The following SMIM36 variants were observed in gnomAD, a reference collection of about 807,000 sequenced individuals.
SMIM36 encodes the protein small integral membrane protein 36.
Position 55,500,958 on chromosome 17 carries a change from A to T in SMIM36, c.*174+9921T>A, listed in dbSNP as rs1455925022. Among the ~76,000 whole-genome samples, 21 of 51,710 alleles carry T rather than the reference A, an allele frequency of 4.1e-4. 6 individuals are homozygous for T. The highest frequency in any genetic ancestry group is 2.1e-3 in the African/African-American group (21 of 9,934). 33.9% of individuals were successfully genotyped at this position (51,710 alleles called of 152,430 possible). On this transcript the variant is annotated intron_variant, in intron 1 of 4. Coordinates refer to ENST00000636752, the Ensembl canonical transcript of SMIM36. ...TATAATATATATTATAATATATTATATTTTATAATATATATTATAATATAT... is the reference window on the plus strand; with the variant it reads ...TATAATATATATTATAATATATTATTTTTTATAATATATATTATAATATAT...
chr17:55,514,531 G>A (rs550504044), upstream of SMIM36, among the ~76,000 whole-genome samples: 1 of 152,284 alleles, frequency 6.6e-6, no homozygotes, highest in East Asian at 1.9e-4. Flanking sequence ...GGAATTGAAT[G>A]AGCTTATTCT....
At chr17:55,522,670 G>A in the SMIM36 span, among the ~76,000 whole-genome samples, 1 of 152,280 alleles carries the variant, frequency 6.6e-6, no homozygotes, top group East Asian at 1.9e-4. Flanking sequence ...TACAATTTGA[G>A]GTGAGGTTTG....
At chr17:55,494,456 A>C (rs761033954) in intron 1 of SMIM36, among the ~76,000 whole-genome samples, 53 of 152,094 alleles carry the variant, frequency 3.5e-4, no homozygotes, top group Non-Finnish European at 1.0e-4. Context: ...ATCCCTACCA[A>C]TCTAGACCAA....
At chr17:55,515,182 G>C (rs1305985647), upstream of SMIM36, among the ~76,000 whole-genome samples, 1 of 133,082 alleles carries the variant, frequency 7.5e-6, no homozygotes, top group Non-Finnish European at 1.6e-5. Flanking sequence ...TGCTAGAAAA[G>C]TGAGAAAGGC....
intron 1 of SMIM36, among the ~76,000 whole-genome samples, chr17:55,486,166 C>T (rs573019655): frequency 4.2e-4 from 64 of 152,038 alleles, no homozygotes; most frequent in African/African-American, 1.4e-3. Context: ...TCCCAAGTAG[C>T]TGGAGCTACA....
chr17:55,524,500 C>T, the SMIM36 span, among the ~76,000 whole-genome samples: 2 of 152,272 alleles, frequency 1.3e-5, no homozygotes, highest in East Asian at 3.9e-4. Context: ...CACCACACTG[C>T]TTTCTGCAAT....
intron 1 of SMIM36, among the ~76,000 whole-genome samples, chr17:55,496,809 G>C (rs1909815420): frequency 6.6e-6 from 1 of 152,140 alleles, no homozygotes; most frequent in Non-Finnish European, 1.5e-5. Flanking sequence ...CATGGATTCT[G>C]GGCAGCTATA....
chr17:55,483,891 G>A (rs772198976), intron 1 of SMIM36, among the ~76,000 whole-genome samples: 1 of 152,136 alleles, frequency 6.6e-6, no homozygotes, highest in African/African-American at 2.4e-5. Flanking sequence ...GCCTCCCAAA[G>A]TGCTGGAATT....
intron 1 of SMIM36, among the ~76,000 whole-genome samples, chr17:55,485,806 A>C (rs1909594938): frequency 1.3e-5 from 2 of 152,180 alleles, no homozygotes; most frequent in African/African-American, 4.8e-5. Context: ...CGTATGAGGA[A>C]ACGGAGGCAC....
intron 1 of SMIM36, among the ~76,000 whole-genome samples, chr17:55,508,506 C>G (rs929543999): frequency 4.2e-5 from 6 of 141,178 alleles, no homozygotes; most frequent in Non-Finnish European, 6.0e-5. Context: ...TTCATCTGAA[C>G]TAACCTTCTT....
intron 1 of SMIM36, among the ~76,000 whole-genome samples, chr17:55,502,055 C>G (rs1222931944): frequency 3.9e-3 from 593 of 152,004 alleles, no homozygotes; most frequent in African/African-American, 0.014. Flanking sequence ...ATATCCCACA[C>G]CTGGCTCTGA....
At chr17:55,508,431 A>AATATAT (rs55879501) in intron 1 of SMIM36, among the ~76,000 whole-genome samples, 2,665 of 113,820 alleles carry the variant, frequency 0.023, 105 homozygotes, top group African/African-American at 0.03. Flanking sequence ...TATTCCTAGG[A>AATATAT]ATATATATAT....
intron 1 of SMIM36, among the ~76,000 whole-genome samples, chr17:55,492,493 C>T (rs565833958): frequency 7.9e-5 from 12 of 151,698 alleles, no homozygotes; most frequent in Non-Finnish European, 1.6e-4. Flanking sequence ...CGTTCTTTCT[C>T]GTGATCTGCC....
chr17:55,510,102 G>T (rs531574873), intron 1 of SMIM36, among the ~76,000 whole-genome samples: 225 of 152,136 alleles, frequency 1.5e-3, no homozygotes, highest in African/African-American at 4.7e-3. Flanking sequence ...AAAGCTTAGT[G>T]GTCCAATCAC....
chr17:55,507,858 G>A lies in SMIM36; in HGVS notation c.*174+3021C>T, dbSNP rs544799206. Among the ~76,000 whole-genome samples the A allele has an allele frequency of 2.6e-5, 4 of 152,222 alleles. No individual in the cohort carries two copies. The South Asian group carries it at 6.2e-4, about 24-fold the overall frequency. On this transcript the variant is annotated intron_variant, in intron 1 of 4. Transcript: ENST00000636752. ...AGCCTGCGGACTTAAGCCAGGCGTC[G>A]TGCTGACATTTAAAGATGATTCCTC...
the SMIM36 span, among the ~76,000 whole-genome samples, chr17:55,519,147 T>C: frequency 6.6e-6 from 1 of 151,992 alleles, no homozygotes; most frequent in East Asian, 1.9e-4. Flanking sequence ...AGGGTAGGAG[T>C]GCTGGGCAGT....
chr17:55,530,229 T>C, the SMIM36 span, among the ~76,000 whole-genome samples: 1 of 152,216 alleles, frequency 6.6e-6, no homozygotes, highest in Non-Finnish European at 1.5e-5. Flanking sequence ...AGAGATTGAC[T>C]GAGGTGGTAA....
intron 3 of SMIM36, among the ~76,000 whole-genome samples, chr17:55,476,423 C>CT (rs1229520336): frequency 6.6e-6 from 1 of 152,102 alleles, no homozygotes; most frequent in Non-Finnish European, 1.5e-5. Flanking sequence ...TTGCTGACTC[C>CT]TTTTTTGGAC....
chr17:55,528,690 C>A, the SMIM36 span, among the ~76,000 whole-genome samples: 1 of 151,882 alleles, frequency 6.6e-6, no homozygotes. Context: ...GCTGGGATTA[C>A]AGATGCCTCC....
Sources: allele counts gnomAD v4.1 joint callset (sites outside exome capture counted in the v4.1 genomes callset), GRCh38; gene constraint gnomAD v4.1.1; transcripts MANE v1.5; gene names NCBI Gene and HGNC (gene_info 2026-07-23, HGNC 2026-07-21).